CCDC138: variants seen among roughly 807,000 people sequenced by gnomAD.
The protein encoded by CCDC138 is coiled-coil domain-containing protein 138.
Under a neutral mutation model 82.3 loss-of-function variants are expected in CCDC138, and 66 were observed. That is an observed-to-expected ratio of 0.80 (90% confidence interval 0.66 to 0.98). The LOEUF is 0.98. Ranked by LOEUF, CCDC138 falls within the 50% of genes least tolerant of loss-of-function variation. The probability of loss-of-function intolerance (pLI) is 0.00; values close to 1 mark genes in which losing one functional copy is unlikely to be tolerated. For synonymous variants in CCDC138, 297 were observed against 265.4 expected (o/e 1.12, Z -1.16); for missense variants, 816 against 758.9 (o/e 1.08, Z -0.88).
At chr2:108,789,722 G>T (rs866981439) in intron 3 of CCDC138, among the ~76,000 whole-genome samples, 1 of 152,186 alleles carries the variant, frequency 6.6e-6, no homozygotes, top group Non-Finnish European at 1.5e-5. Flanking sequence ...GAAGAAGGTG[G>T]TCTGGGGAGA....
At chr2:108,813,588 CAT>C (rs754961624) in intron 9 of CCDC138, among the ~76,000 whole-genome samples, 3 of 152,082 alleles carry the variant, frequency 2.0e-5, no homozygotes, top group Non-Finnish European at 2.9e-5. Flanking sequence ...AATGGATTTC[CAT>C]ATGTCTTTTT....
rs748397222 is a variant in CCDC138 at position 108,816,035 on chromosome 2, G to A, written c.1136G>A (p.Gly379Glu). Residue 379 changes from glycine to glutamate, a missense_variant, in exon 10 of 15, where the codon GGA (glycine) becomes GAA (glutamate). Transcript: ENST00000295124. Reference protein sequence around the residue: ...HLSKVKHEESGMDGKKPQLKF... With the variant: ...HLSKVKHEESEMDGKKPQLKF... ...AGCAAAGTGAAACATGAAGAATCTG[G>A]AATGGATGGTAAAAAACCACAACTC... The A allele has an allele frequency of 8.7e-6, 14 of 1,613,782 alleles. No homozygotes were observed. The highest frequency in any genetic ancestry group is 1.2e-5 in the Non-Finnish European group (14 of 1,179,850).
At chr2:108,877,559 C>G (rs1017838454), downstream of CCDC138, among the ~76,000 whole-genome samples, 1 of 151,106 alleles carries the variant, frequency 6.6e-6, no homozygotes, top group African/African-American at 2.4e-5. Context: ...ATTAGCATGA[C>G]AAGAACAAAC....
At chr2:108,880,987 G>A (rs1215968391), downstream of CCDC138, among the ~76,000 whole-genome samples, 1 of 152,246 alleles carries the variant, frequency 6.6e-6, no homozygotes, top group East Asian at 1.9e-4. Flanking sequence ...TTTGGAAAGA[G>A]TTGATTCCAA....
intron 13 of CCDC138, among the ~76,000 whole-genome samples, chr2:108,862,377 G>T (rs941032406): frequency 6.6e-6 from 1 of 152,118 alleles, no homozygotes; most frequent in African/African-American, 2.4e-5. Context: ...ATCTTCACAG[G>T]CTGGGAGGTA....
intron 10 of CCDC138, among the ~76,000 whole-genome samples, chr2:108,822,233 A>G (rs1471133152): frequency 6.6e-6 from 1 of 152,210 alleles, no homozygotes; most frequent in Non-Finnish European, 1.5e-5. Flanking sequence ...ATAAATGATA[A>G]AAAGGTAAAT....
At chr2:108,822,014 G>A (rs1050699668) in intron 10 of CCDC138, among the ~76,000 whole-genome samples, 2 of 151,946 alleles carry the variant, frequency 1.3e-5, no homozygotes, top group African/African-American at 2.4e-5. Flanking sequence ...AACTAGAGTG[G>A]CTGATTGGAT....
chr2:108,856,643 G>C, intron 12 of CCDC138, 151 bp from the exon 13 acceptor site: 1 of 669,638 alleles, frequency 1.5e-6, no homozygotes. Context: ...TGACAAATCA[G>C]TTAGAATCTA....
chr2:108,797,658 C>T (rs1254076899), intron 5 of CCDC138, among the ~76,000 whole-genome samples: 1 of 151,952 alleles, frequency 6.6e-6, no homozygotes, highest in Non-Finnish European at 1.5e-5. Context: ...CCTGAGCCTG[C>T]CTTTTTAATG....
intron 13 of CCDC138, among the ~76,000 whole-genome samples, chr2:108,867,366 G>GA (rs1183650861): frequency 3.3e-5 from 5 of 151,834 alleles, no homozygotes; most frequent in Non-Finnish European, 7.4e-5. Flanking sequence ...AAGCTAGAAG[G>GA]AAAAAAATAA....
At chr2:108,871,401 A>G (rs912163681) in intron 13 of CCDC138, among the ~76,000 whole-genome samples, 1 of 151,048 alleles carries the variant, frequency 6.6e-6, no homozygotes, top group Non-Finnish European at 1.5e-5. Flanking sequence ...AAAAATAGAA[A>G]AATTAACTGG....
At chr2:108,882,906 A>T (rs1031724400) in intron 2 of CCDC138, 2 of 152,284 alleles carry the variant, frequency 1.3e-5, no homozygotes, top group South Asian at 2.1e-4. Context: ...GGTGGGGCTA[A>T]AAAAGACCTT....
intron 10 of CCDC138, among the ~76,000 whole-genome samples, chr2:108,836,438 T>C (rs1688594434): frequency 2.0e-5 from 3 of 152,234 alleles, no homozygotes; most frequent in African/African-American, 7.2e-5. Flanking sequence ...ATCTCATGGC[T>C]ATTGTGAATA....
rs190503583 is a variant in CCDC138 at position 108,849,939 on chromosome 2, G to T, written c.1516+3009G>T. Among the ~76,000 whole-genome samples the T allele has an allele frequency of 8.6e-4, 131 of 152,328 alleles. 1 individual carries two copies. Among genetic ancestry groups the T allele is most frequent in the Non-Finnish European group, 1.5e-3 (103 of 68,026 alleles). On this transcript the variant is annotated intron_variant, in intron 12 of 14. Transcript: ENST00000295124. ...CAGTAGCTGCAGGCAGGTGGGGTGT[G>T]CCTGCACACAAGACCTGGGGCTAGG...
chr2:108,831,805 C>T (rs1176914000), intron 10 of CCDC138, among the ~76,000 whole-genome samples: 3 of 151,216 alleles, frequency 2.0e-5, no homozygotes, highest in South Asian at 2.1e-4. Flanking sequence ...TGATCTCGGC[C>T]CACTGCAACT....
chr2:108,881,150 G>T (rs1185496090), downstream of CCDC138, among the ~76,000 whole-genome samples: 1 of 152,238 alleles, frequency 6.6e-6, no homozygotes, highest in Non-Finnish European at 1.5e-5. Context: ...AAAATCTGTT[G>T]TGTAGTGTAG....
intron 13 of CCDC138, among the ~76,000 whole-genome samples, chr2:108,871,560 A>T (rs1695258109): frequency 6.6e-6 from 1 of 152,094 alleles, no homozygotes; most frequent in African/African-American, 2.4e-5. Context: ...TCCAAAAAAA[A>T]TAAAAGTTCC....
chr2:108,850,805 T>G (rs1451001046), intron 12 of CCDC138, among the ~76,000 whole-genome samples: 6 of 152,018 alleles, frequency 3.9e-5, no homozygotes, highest in Non-Finnish European at 7.4e-5. Context: ...TTAACTGTGT[T>G]TTTTCTCTAC....
chr2:108,807,595 T>C (rs1384691400), intron 7 of CCDC138, among the ~76,000 whole-genome samples: 5 of 152,158 alleles, frequency 3.3e-5, no homozygotes, highest in Non-Finnish European at 4.4e-5. Flanking sequence ...TAGAACTTAT[T>C]CCTCTTATCT....
Sources: gnomAD v4.1 joint callset for allele counts (sites outside exome capture counted in the v4.1 genomes callset) on GRCh38, gnomAD v4.1.1 for gene constraint, MANE v1.5 for transcripts, NCBI Gene and HGNC (gene_info 2026-07-23, HGNC 2026-07-21) for gene names.